The following DNAJC1 variants were observed in gnomAD, a reference collection of about 807,000 sequenced individuals.
DNAJC1 encodes the protein dnaJ homolog subfamily C member 1.
DNAJC1 carries 58 observed loss-of-function variants against 76.6 expected under a neutral mutation model. That is an observed-to-expected ratio of 0.76 (90% CI 0.61 to 0.94). The LOEUF (loss-of-function observed/expected upper bound fraction) is 0.94, where lower values mean the gene tolerates loss of function less well. Among genes scored for constraint, DNAJC1 ranks in the 40% least tolerant of loss-of-function variants. The pLI is 0.00. For synonymous variants in DNAJC1, 258 were observed against 267.9 expected (o/e 0.96, Z 0.36); for missense variants, 689 against 677.3 (o/e 1.02, Z -0.19).
At chr10:21,836,086 G>A (rs1012869233) in intron 8 of DNAJC1, among the ~76,000 whole-genome samples, 2 of 152,150 alleles carry the variant, frequency 1.3e-5, no homozygotes, top group Admixed American at 6.5e-5. Flanking sequence ...GAAAGGTCGG[G>A]TTACCCACAA....
chr10:21,937,906 T>C (rs1684773574), intron 1 of DNAJC1, among the ~76,000 whole-genome samples: 1 of 152,142 alleles, frequency 6.6e-6, no homozygotes, highest in African/African-American at 2.4e-5. Flanking sequence ...GTAATATGAA[T>C]GAACGTGCCA....
chr10:21,759,140 T>C (rs778244239), intron 11 of DNAJC1, 30 bp downstream of exon 11: 3 of 1,589,858 alleles, frequency 1.9e-6, no homozygotes, highest in African/African-American at 1.4e-5. Context: ...TTCTAACACC[T>C]GTGCAGAGGC....
At chr10:21,966,752 C>A (rs1837896985) in intron 1 of DNAJC1, among the ~76,000 whole-genome samples, 1 of 148,896 alleles carries the variant, frequency 6.7e-6, no homozygotes, top group South Asian at 2.1e-4. Flanking sequence ...ATGGCGCGAT[C>A]TTGGCTCACT....
chr10:21,841,083 A>T (rs1286257802), intron 8 of DNAJC1, among the ~76,000 whole-genome samples: 5 of 152,194 alleles, frequency 3.3e-5, no homozygotes, highest in Non-Finnish European at 5.9e-5. Flanking sequence ...CCTTCCTTAC[A>T]CCTTATACAA....
At chr10:21,917,286 A>G (rs573025487) in intron 6 of DNAJC1, among the ~76,000 whole-genome samples, 5 of 152,146 alleles carry the variant, frequency 3.3e-5, no homozygotes, top group Non-Finnish European at 7.4e-5. Context: ...AATCTAAGCC[A>G]TAACAATATG....
chr10:21,833,192 C>A (rs1205266518), intron 8 of DNAJC1, among the ~76,000 whole-genome samples: 1 of 152,210 alleles, frequency 6.6e-6, no homozygotes, highest in African/African-American at 2.4e-5. Context: ...TGAGTTCTGG[C>A]TGGGCGCAGT....
intron 9 of DNAJC1, among the ~76,000 whole-genome samples, chr10:21,781,718 CAAAAAAAAA>C (rs1298897674): frequency 4.6e-5 from 4 of 87,334 alleles, no homozygotes; most frequent in African/African-American, 9.4e-5. Flanking sequence ...GCGACTGTCT[CAAAAAAAAA>C]AAAAAAAAAA....
chr10:21,947,105 TTC>T (rs1459877476), intron 1 of DNAJC1, among the ~76,000 whole-genome samples: 2 of 152,218 alleles, frequency 1.3e-5, no homozygotes, highest in African/African-American at 4.8e-5. Flanking sequence ...GTCTGTGGTA[TTC>T]TGTCATAGTA....
chr10:21,907,216 T>C (rs544896246), intron 6 of DNAJC1, among the ~76,000 whole-genome samples: 1 of 152,322 alleles, frequency 6.6e-6, no homozygotes, highest in South Asian at 2.1e-4. Flanking sequence ...CCTACTCTAC[T>C]TAATCTGAGA....
At chr10:21,944,812 T>C (rs1375990530) in intron 1 of DNAJC1, among the ~76,000 whole-genome samples, 1 of 152,178 alleles carries the variant, frequency 6.6e-6, no homozygotes, top group Non-Finnish European at 1.5e-5. Context: ...GTGAGAACTT[T>C]TGATGAATTA....
chr10:21,969,325 G>A (rs1877142), intron 1 of DNAJC1, among the ~76,000 whole-genome samples: 55 of 152,008 alleles, frequency 3.6e-4, no homozygotes, highest in Admixed American at 1.8e-3. Context: ...GGATGAGGGC[G>A]GGGGATATCA....
At chr10:21,781,960 T>C (rs1834534928) in intron 9 of DNAJC1, among the ~76,000 whole-genome samples, 1 of 151,822 alleles carries the variant, frequency 6.6e-6, no homozygotes, top group Non-Finnish European at 1.5e-5. Flanking sequence ...AGATCTAAAA[T>C]TGACACCCTA....
At chr10:21,901,820 T>C (rs1177092606) in intron 7 of DNAJC1, among the ~76,000 whole-genome samples, 12 of 152,212 alleles carry the variant, frequency 7.9e-5, no homozygotes, top group Non-Finnish European at 1.8e-4. Flanking sequence ...GATGGAAATG[T>C]TATTATGAAC....
intron 1 of DNAJC1, among the ~76,000 whole-genome samples, chr10:21,942,518 T>C (rs1213742975): frequency 6.6e-6 from 1 of 151,750 alleles, no homozygotes; most frequent in Non-Finnish European, 1.5e-5. Flanking sequence ...ATAAGATAAA[T>C]ATAAGCGGCC....
At chr10:21,837,498 A>G (rs1011177662) in intron 8 of DNAJC1, among the ~76,000 whole-genome samples, 12 of 143,410 alleles carry the variant, frequency 8.4e-5, no homozygotes, top group African/African-American at 2.9e-4. Context: ...ATCGTCTGAG[A>G]TGTGGGGAGC....
intron 1 of DNAJC1, among the ~76,000 whole-genome samples, chr10:21,980,062 T>C (rs1420592097): frequency 1.3e-5 from 2 of 152,050 alleles, no homozygotes; most frequent in African/African-American, 4.8e-5. Context: ...GGAAAGTCCT[T>C]AGGTTATCTA....
intron 1 of DNAJC1, among the ~76,000 whole-genome samples, chr10:21,948,140 G>T (rs979877553): frequency 2.0e-5 from 3 of 149,664 alleles, no homozygotes; most frequent in Admixed American, 6.6e-5. Flanking sequence ...ACCCAGGCTG[G>T]AGTACAGTGG....
At chr10:21,992,214 G>A (rs1384485118) in intron 1 of DNAJC1, among the ~76,000 whole-genome samples, 6 of 152,232 alleles carry the variant, frequency 3.9e-5, no homozygotes, top group African/African-American at 1.4e-4. Context: ...GGGAGGCTGA[G>A]ACAGGAGAAT....
At chr10:21,887,155 T>A (rs866884581) in intron 7 of DNAJC1, among the ~76,000 whole-genome samples, 1 of 151,846 alleles carries the variant, frequency 6.6e-6, no homozygotes, top group Non-Finnish European at 1.5e-5. Flanking sequence ...GCAAAAAGAA[T>A]AAAATACCTA....
Sources: allele counts gnomAD v4.1 joint callset (sites outside exome capture counted in the v4.1 genomes callset), GRCh38; gene constraint gnomAD v4.1.1; transcripts MANE v1.5; gene names NCBI Gene and HGNC (gene_info 2026-07-23, HGNC 2026-07-21).